Variants in ZNF536 observed in about 807,000 individuals in gnomAD.
ZNF536 encodes zinc finger protein 536.
In ZNF536, 13 loss-of-function variants were observed where a neutral mutation model predicts 84.5. The ratio of observed to expected loss-of-function variants is 0.15; its 90% CI spans 0.10 to 0.24. ZNF536 has a LOEUF of 0.24. Ranked by LOEUF, ZNF536 falls within the 10% of genes least tolerant of loss-of-function variation. The pLI, the probability that ZNF536 is intolerant of heterozygous loss-of-function variation, is 1.00. For synonymous variants in ZNF536, 811 were observed against 742.5 expected (o/e 1.09, Z -1.50); for missense variants, 1,536 against 1,747.5 (o/e 0.88, Z 2.16).
chr19:30,246,289 G>A (rs948915659), intron 1 of ZNF536, among the ~76,000 whole-genome samples: 2 of 152,130 alleles, frequency 1.3e-5, no homozygotes, highest in Non-Finnish European at 2.9e-5. Flanking sequence ...TATTGCTCGC[G>A]TATTTCTCCC....
At chr19:30,586,710 C>T (rs991851949) in intron 1 of ZNF536, among the ~76,000 whole-genome samples, 3 of 152,130 alleles carry the variant, frequency 2.0e-5, no homozygotes, top group Non-Finnish European at 2.9e-5. Flanking sequence ...TTTTTGCCCA[C>T]CTGTAAAATA....
In ZNF536 at chr19:30,585,703, A is replaced by G. The variant is rs532301423; in HGVS notation, c.169+36189A>G. On this transcript the variant is annotated intron_variant, in intron 1 of 1. Coordinates refer to the ZNF536 transcript ENST00000592773. ...CAAGCAGCCCAGTCTCATCCCTGCT[A>G]TCTTTCTCATCTCCAACTCTGCATC... 1.9e-4 allele frequency among the ~76,000 whole-genome samples: 29 copies of G among 152,186 alleles called. No individual in the cohort carries two copies. The East Asian group carries it at 5.2e-3, about 27-fold the overall frequency.
intron 1 of ZNF536, among the ~76,000 whole-genome samples, chr19:30,631,753 C>T (rs934479365): frequency 6.6e-6 from 1 of 152,164 alleles, no homozygotes; most frequent in African/African-American, 2.4e-5. Context: ...TCTGCGCTAA[C>T]CCAAGCATCT....
At chr19:30,358,620 C>A (rs2048172823) in intron 3 of ZNF536, among the ~76,000 whole-genome samples, 1 of 152,192 alleles carries the variant, frequency 6.6e-6, no homozygotes, top group African/African-American at 2.4e-5. Flanking sequence ...ATGACAAATC[C>A]ACATTTCTTT....
intron 1 of ZNF536, among the ~76,000 whole-genome samples, chr19:30,239,628 A>G (rs2023793615): frequency 6.6e-6 from 1 of 152,108 alleles, no homozygotes; most frequent in South Asian, 2.1e-4. Context: ...TGAGCATGGG[A>G]ATTATTTTGC....
At chr19:30,241,348 C>T (rs935198485) in intron 1 of ZNF536, among the ~76,000 whole-genome samples, 3 of 152,152 alleles carry the variant, frequency 2.0e-5, no homozygotes, top group African/African-American at 7.2e-5. Flanking sequence ...CCAAATAATT[C>T]AAATACATTG....
upstream of ZNF536, among the ~76,000 whole-genome samples, chr19:30,368,643 C>A (rs561713865): frequency 6.6e-6 from 1 of 152,308 alleles, no homozygotes; most frequent in South Asian, 2.1e-4. Flanking sequence ...CGTTGATGAC[C>A]CTTACATATC....
At chr19:30,705,576 T>C (rs1395106404) in intron 1 of ZNF536, among the ~76,000 whole-genome samples, 1 of 152,220 alleles carries the variant, frequency 6.6e-6, no homozygotes, top group African/African-American at 2.4e-5. Flanking sequence ...GGAGCTGATA[T>C]CATCCCTTGG....
intron 2 of ZNF536, among the ~76,000 whole-genome samples, chr19:30,455,598 G>A (rs539508669): frequency 6.2e-4 from 95 of 152,310 alleles, no homozygotes; most frequent in African/African-American, 2.1e-3. Context: ...CTACTTGGGA[G>A]GGTGAGGTGA....
chr19:30,283,632 A>C (rs2045529316), intron 1 of ZNF536, among the ~76,000 whole-genome samples: 1 of 152,090 alleles, frequency 6.6e-6, no homozygotes, highest in African/African-American at 2.4e-5. Context: ...ATTTTGGTCT[A>C]CTGTAGAGGG....
At chr19:30,582,109 G>A (rs1196310580) in intron 1 of ZNF536, among the ~76,000 whole-genome samples, 1 of 152,092 alleles carries the variant, frequency 6.6e-6, no homozygotes, top group Non-Finnish European at 1.5e-5. Flanking sequence ...CCATGTTGTT[G>A]GTAGCAAAGA....
intron 3 of ZNF536, among the ~76,000 whole-genome samples, chr19:30,543,726 GC>G (rs1436754803): frequency 6.6e-6 from 1 of 152,214 alleles, no homozygotes; most frequent in African/African-American, 2.4e-5. Context: ...GTGCTGTTAG[GC>G]CTCTCCTTGT....
At chr19:30,400,577 G>A (rs1012282742) in intron 1 of ZNF536, among the ~76,000 whole-genome samples, 1 of 151,954 alleles carries the variant, frequency 6.6e-6, no homozygotes, top group Non-Finnish European at 1.5e-5. Flanking sequence ...TTGTTTTGTT[G>A]TTGAGACAAG....
intron 1 of ZNF536, among the ~76,000 whole-genome samples, chr19:30,439,447 C>T (rs1473164285): frequency 6.6e-6 from 1 of 152,164 alleles, no homozygotes; most frequent in African/African-American, 2.4e-5. Context: ...GAGTCCCAGG[C>T]CGGGCCTGGG....
chr19:30,636,152 G>A lies in ZNF536; in HGVS notation c.170-74605G>A, dbSNP rs576604228. ...TGTCATCCCTTCACAATGGTGGTCA[G>A]CCATGAGACATGGTGACCACCTAAC... On this transcript the variant is annotated intron_variant, in intron 1 of 1. Transcript: ENST00000592773. Among the ~76,000 whole-genome samples, 6 of 152,356 alleles carry A rather than the reference G, an allele frequency of 3.9e-5. No individual in the cohort carries two copies. In the South Asian group the frequency reaches 1.0e-3, roughly 26 times the overall value.
At chr19:30,634,598 C>A (rs1334663076) in intron 1 of ZNF536, among the ~76,000 whole-genome samples, 1 of 152,076 alleles carries the variant, frequency 6.6e-6, no homozygotes, top group Non-Finnish European at 1.5e-5. Context: ...ATCGAAAGTC[C>A]TGAGATGATA....
intron 2 of ZNF536, among the ~76,000 whole-genome samples, chr19:30,287,464 GGATGGATA>G (rs370662591): frequency 4.0e-4 from 60 of 151,072 alleles, no homozygotes; most frequent in African/African-American, 1.5e-3. Context: ...GATTGATGGA[GGATGGATA>G]GATGGATAGA....
intron 3 of ZNF536, among the ~76,000 whole-genome samples, chr19:30,357,713 T>C (rs890544083): frequency 2.0e-5 from 3 of 152,138 alleles, no homozygotes; most frequent in Admixed American, 1.3e-4. Context: ...GGCCCTGGCA[T>C]GAGCTTTCTG....
chr19:30,296,061 A>AC (rs2045987243), intron 2 of ZNF536: 1 of 152,264 alleles, frequency 6.6e-6, no homozygotes, highest in South Asian at 2.1e-4. Flanking sequence ...ATGACTGTGT[A>AC]CTGGGCTTCA....
Sources: gnomAD v4.1 joint callset for allele counts (sites outside exome capture counted in the v4.1 genomes callset) on GRCh38, gnomAD v4.1.1 for gene constraint, MANE v1.5 for transcripts, NCBI Gene and HGNC (gene_info 2026-07-23, HGNC 2026-07-21) for gene names.